The following RPS6KC1 variants were observed in gnomAD, a reference collection of about 807,000 sequenced individuals.
The protein encoded by RPS6KC1 is ribosomal protein S6 kinase C1.
RPS6KC1 carries 54 observed loss-of-function variants against 103.8 expected under a neutral mutation model. The observed-to-expected ratio is 0.52, with a 90% CI of 0.42 to 0.65. The LOEUF (loss-of-function observed/expected upper bound fraction) is 0.65. Among genes scored for constraint, RPS6KC1 ranks in the 30% least tolerant of loss-of-function variants. The pLI is 0.00. For missense variants in RPS6KC1, 1,151 were observed against 1,253.8 expected, an observed-to-expected ratio of 0.92 and a Z score of 1.24; for synonymous variants, 439 against 438.7, an observed-to-expected ratio of 1.00 and a Z score of -0.01.
intron 12 of RPS6KC1, among the ~76,000 whole-genome samples, chr1:213,251,245 T>A (rs900064120): frequency 4.6e-5 from 7 of 152,056 alleles, no homozygotes; most frequent in Admixed American, 3.9e-4. Context: ...TAGCTGGGAT[T>A]ACAGATGGCC....
At chr1:213,488,667 A>G in the RPS6KC1 span, among the ~76,000 whole-genome samples, 1 of 152,232 alleles carries the variant, frequency 6.6e-6, no homozygotes, top group African/African-American at 2.4e-5. Context: ...TTGTGGTTGG[A>G]GTCTGAACTC....
the RPS6KC1 span, among the ~76,000 whole-genome samples, chr1:213,487,657 T>C: frequency 2.0e-5 from 3 of 152,186 alleles, no homozygotes; most frequent in Admixed American, 6.5e-5. Flanking sequence ...GCTGCGTGGG[T>C]TTAAATCCTG....
the RPS6KC1 span, among the ~76,000 whole-genome samples, chr1:213,526,658 G>A: frequency 1.2e-4 from 19 of 152,106 alleles, no homozygotes; most frequent in Admixed American, 4.6e-4. Flanking sequence ...TGATTCTACC[G>A]CTAAAACTGT....
At chr1:213,207,594 G>C (rs1204355024) in intron 8 of RPS6KC1, among the ~76,000 whole-genome samples, 2 of 152,066 alleles carry the variant, frequency 1.3e-5, no homozygotes, top group Admixed American at 6.6e-5. Flanking sequence ...AAAAACTTCA[G>C]TCATTTGTCC....
the RPS6KC1 span, among the ~76,000 whole-genome samples, chr1:213,862,219 A>G: frequency 3.9e-5 from 6 of 152,342 alleles, no homozygotes; most frequent in South Asian, 2.1e-4. Context: ...TGTTGACTGC[A>G]TTAGCGTGGA....
chr1:213,331,590 C>T, the RPS6KC1 span, among the ~76,000 whole-genome samples: 3 of 152,170 alleles, frequency 2.0e-5, no homozygotes, highest in Non-Finnish European at 2.9e-5. Flanking sequence ...TCTGCACCTG[C>T]GTCCTGTGCA....
chr1:213,436,357 T>A, the RPS6KC1 span, among the ~76,000 whole-genome samples: 2 of 152,200 alleles, frequency 1.3e-5, no homozygotes, highest in African/African-American at 4.8e-5. Flanking sequence ...AAAGTTTAAG[T>A]GGAAAACTCT....
chr1:213,774,513 G>T, the RPS6KC1 span, among the ~76,000 whole-genome samples: 5 of 152,066 alleles, frequency 3.3e-5, no homozygotes, highest in Non-Finnish European at 5.9e-5. Context: ...AAAAATGCAG[G>T]GTGGATACAA....
the RPS6KC1 span, among the ~76,000 whole-genome samples, chr1:213,799,697 T>C: frequency 1.3e-5 from 2 of 152,182 alleles, no homozygotes; most frequent in Admixed American, 1.3e-4. Flanking sequence ...CAGTCTGAGA[T>C]ACAAGAACAG....
chr1:213,300,600 G>A, the RPS6KC1 span, among the ~76,000 whole-genome samples: 23 of 152,280 alleles, frequency 1.5e-4, no homozygotes, highest in Admixed American at 3.9e-4. Flanking sequence ...CTGTGTGTGG[G>A]GGAAGTCTGT....
At chr1:213,514,122 A>C in the RPS6KC1 span, among the ~76,000 whole-genome samples, 1 of 152,176 alleles carries the variant, frequency 6.6e-6, no homozygotes, top group Non-Finnish European at 1.5e-5. Flanking sequence ...CAAATTCTAA[A>C]GTGTCTCATT....
chr1:213,346,624 G>GT, the RPS6KC1 span, among the ~76,000 whole-genome samples: 32 of 151,440 alleles, frequency 2.1e-4, no homozygotes, highest in South Asian at 6.3e-4. Flanking sequence ...TGGTTTGTTA[G>GT]TTTTTTTTTA....
At chr1:213,446,679 C>A in the RPS6KC1 span, among the ~76,000 whole-genome samples, 1 of 152,196 alleles carries the variant, frequency 6.6e-6, no homozygotes, top group Non-Finnish European at 1.5e-5. Context: ...CTAAGCCTGA[C>A]CGTCACACTC....
chr1:213,323,087 G>A, the RPS6KC1 span, among the ~76,000 whole-genome samples: 1 of 151,772 alleles, frequency 6.6e-6, no homozygotes, highest in Non-Finnish European at 1.5e-5. Context: ...TTCAAAGCCA[G>A]CAGCATAGCA....
chr1:213,125,301 T>G (rs1159883086), intron 5 of RPS6KC1, among the ~76,000 whole-genome samples: 2 of 152,250 alleles, frequency 1.3e-5, no homozygotes, highest in African/African-American at 4.8e-5. Flanking sequence ...ATAAGACACT[T>G]TAGCATTAAA....
chr1:213,107,034 C>T (rs528890260), intron 4 of RPS6KC1, among the ~76,000 whole-genome samples: 13 of 152,094 alleles, frequency 8.5e-5, no homozygotes, highest in Admixed American at 2.6e-4. Flanking sequence ...TCTTGCCTCC[C>T]GGGTTCAAGC....
chr1:213,261,704 C>A, intron 13 of RPS6KC1, 64 bp downstream of exon 13: 1 of 1,365,330 alleles, frequency 7.3e-7, no homozygotes, highest in South Asian at 1.2e-5. Flanking sequence ...AAATTAAGAA[C>A]ATTAGCCTTC....
the RPS6KC1 span, among the ~76,000 whole-genome samples, chr1:213,697,000 G>T: frequency 6.6e-6 from 1 of 152,188 alleles, no homozygotes; most frequent in Admixed American, 6.5e-5. Context: ...TGACCCACTG[G>T]CTATAAACTG....
chr1:213,517,059 G>A, the RPS6KC1 span, among the ~76,000 whole-genome samples: 2 of 152,024 alleles, frequency 1.3e-5, no homozygotes, highest in Non-Finnish European at 2.9e-5. Context: ...TATTTCTGTG[G>A]GATCGGTGGT....
Sources: gnomAD v4.1 joint callset for allele counts (sites outside exome capture counted in the v4.1 genomes callset) on GRCh38, gnomAD v4.1.1 for gene constraint, MANE v1.5 for transcripts, NCBI Gene and HGNC (gene_info 2026-07-23, HGNC 2026-07-21) for gene names.